IKZF3: variants seen among roughly 807,000 people sequenced by gnomAD.
IKZF3 encodes the protein zinc finger protein Aiolos.
Under a neutral mutation model 49.0 loss-of-function variants are expected in IKZF3, and 10 were observed. The ratio of observed to expected loss-of-function variants is 0.20; its 90% CI spans 0.13 to 0.35. The LOEUF (loss-of-function observed/expected upper bound fraction) is 0.35, where lower values mean the gene tolerates loss of function less well. Ranked by LOEUF, IKZF3 falls within the 10% of genes least tolerant of loss-of-function variation. The pLI, the probability that IKZF3 is intolerant of heterozygous loss-of-function variation, is 1.00. For missense variants in IKZF3, 498 were observed against 664.8 expected (o/e 0.75, Z 2.76); for synonymous variants, 209 against 228.2 (o/e 0.92, Z 0.76).
chr17:39,810,111 A>G (rs1453642235), intron 3 of IKZF3, among the ~76,000 whole-genome samples: 1 of 152,194 alleles, frequency 6.6e-6, no homozygotes, highest in Non-Finnish European at 1.5e-5. Context: ...AAACCCTGAG[A>G]TCTCAGGTTG....
chr17:39,825,418 G>A (rs1032736877), intron 3 of IKZF3, among the ~76,000 whole-genome samples: 3 of 152,168 alleles, frequency 2.0e-5, no homozygotes, highest in African/African-American at 7.2e-5. Flanking sequence ...AGAGGAATGA[G>A]GAAAAACCTT....
At chr17:39,847,291 C>T (rs1308657197) in intron 1 of IKZF3, among the ~76,000 whole-genome samples, 2 of 152,054 alleles carry the variant, frequency 1.3e-5, no homozygotes, top group East Asian at 1.9e-4. Flanking sequence ...TCCCTATAAC[C>T]GATGAAATTA....
At chr17:39,858,888 A>G (rs1360692992) in intron 1 of IKZF3, among the ~76,000 whole-genome samples, 1 of 150,528 alleles carries the variant, frequency 6.6e-6, no homozygotes, top group African/African-American at 2.4e-5. Context: ...GAAGCCTCAA[A>G]CTCCCAGGTC....
intron 3 of IKZF3, among the ~76,000 whole-genome samples, chr17:39,819,913 C>T (rs776737357): frequency 7.9e-5 from 12 of 152,108 alleles, no homozygotes; most frequent in Non-Finnish European, 1.5e-4. Context: ...CAGAAAAATC[C>T]GCCCACCTTG....
Position 39,758,730 on chromosome 17 carries a change from TA to T in IKZF3, c.*7059del, listed in dbSNP as rs1184985883. ...CCATGAAGTGTCTATAGCACGTGGT[TA>T]GCTCACGCTGGTTCCAAGGGTCAGC... On this transcript the variant is annotated 3_prime_UTR_variant, in exon 8 of 8. Transcript: ENST00000346872. 1.3e-5 allele frequency: 2 copies of T among 151,570 alleles called. No individual in the cohort carries two copies. Among genetic ancestry groups the T allele is most frequent in the African/African-American group, 4.9e-5 (2 of 41,136 alleles). The allele number at this position is 151,570 out of a possible 1,614,324, so 9.4% of individuals were successfully genotyped here.
intron 3 of IKZF3, among the ~76,000 whole-genome samples, chr17:39,813,289 C>T (rs750333568): frequency 2.7e-5 from 4 of 148,048 alleles, no homozygotes; most frequent in African/African-American, 5.1e-5. Context: ...TGCTGTGCTA[C>T]GCAGCTTAGT....
chr17:39,848,093 A>G (rs1294142404), intron 1 of IKZF3, among the ~76,000 whole-genome samples: 1 of 152,206 alleles, frequency 6.6e-6, no homozygotes, highest in Non-Finnish European at 1.5e-5. Context: ...TTCCTTCCCT[A>G]TTTCCTTGGG....
chr17:39,852,107 A>T (rs2062894068), intron 1 of IKZF3, among the ~76,000 whole-genome samples: 1 of 152,200 alleles, frequency 6.6e-6, no homozygotes, highest in Admixed American at 6.6e-5. Flanking sequence ...TGGGATTTCA[A>T]AATGTTTCAA....
chr17:39,773,578 G>A (rs944973178), intron 7 of IKZF3, among the ~76,000 whole-genome samples: 12 of 151,966 alleles, frequency 7.9e-5, no homozygotes, highest in African/African-American at 2.4e-4. Context: ...TGTTCTTTTC[G>A]TTATGAAAAC....
chr17:39,786,438 C>A (rs532385596), intron 6 of IKZF3, among the ~76,000 whole-genome samples: 1 of 152,098 alleles, frequency 6.6e-6, no homozygotes, highest in Non-Finnish European at 1.5e-5. Flanking sequence ...ACAGTGAGAG[C>A]TTTGCCTATT....
At chr17:39,812,611 TC>T (rs1465898045) in intron 3 of IKZF3, among the ~76,000 whole-genome samples, 1 of 152,168 alleles carries the variant, frequency 6.6e-6, no homozygotes, top group African/African-American at 2.4e-5. Context: ...CAGGGTACCT[TC>T]CTCTAGCTAT....
At position 39,853,272 on chromosome 17, in the gene IKZF3, CAATA is replaced by C. The variant is rs540024074; in HGVS notation, c.7+10844_7+10847del. ...GCATATGTGACACAAAAAAGGTATT[CAATA>C]AATAGTTTTAGAACGAAGAATGAAG... On this transcript the variant is annotated intron_variant, in intron 1 of 7. Coordinates refer to ENST00000346872, the MANE Select transcript of IKZF3 (RefSeq NM_012481.5). Among the ~76,000 whole-genome samples, 728 of 152,154 alleles carry C rather than the reference CAATA, an allele frequency of 4.8e-3. 3 individuals are homozygous for C. Among genetic ancestry groups the C allele is most frequent in the Non-Finnish European group, 8.0e-3 (543 of 67,994 alleles).
Position 39,821,376 on chromosome 17 carries a change from T to G in IKZF3, c.163+8011A>C, listed in dbSNP as rs575869824. On this transcript the variant is annotated intron_variant, in intron 3 of 7. Coordinates refer to ENST00000346872, the MANE Select transcript of IKZF3 (RefSeq NM_012481.5). ...CCCAGGCTCACAGAAACATATGGTT[T>G]GGAAGGATAAAATAAAAGGGTAGGG... 3.3e-5 allele frequency among the ~76,000 whole-genome samples: 5 copies of G among 152,178 alleles called. No homozygotes were observed. The East Asian group carries it at 9.7e-4, about 29-fold the overall frequency.
At chr17:39,791,240 C>G (rs573967994) in intron 5 of IKZF3, among the ~76,000 whole-genome samples, 176 bp downstream of exon 5, 1 of 152,184 alleles carries the variant, frequency 6.6e-6, no homozygotes, top group South Asian at 2.1e-4. Context: ...CTGAGGCAGA[C>G]GGAGAGCAAT....
chr17:39,851,137 G>C (rs1568066164), intron 1 of IKZF3, among the ~76,000 whole-genome samples: 1 of 150,920 alleles, frequency 6.6e-6, no homozygotes, highest in East Asian at 1.9e-4. Flanking sequence ...ATGGCTCATT[G>C]CAGACTTGAC....
At chr17:39,822,651 T>G (rs990182608) in intron 3 of IKZF3, among the ~76,000 whole-genome samples, 4 of 151,204 alleles carry the variant, frequency 2.6e-5, no homozygotes, top group African/African-American at 9.7e-5. Context: ...GGCGCGATCT[T>G]GGCTCACTGC....
At chr17:39,848,067 T>A (rs1487121713) in intron 1 of IKZF3, among the ~76,000 whole-genome samples, 4 of 152,144 alleles carry the variant, frequency 2.6e-5, no homozygotes, top group African/African-American at 9.7e-5. Context: ...GAGTAATCCC[T>A]CCAATCATGA....
chr17:39,831,534 G>A (rs2062108504), intron 2 of IKZF3, among the ~76,000 whole-genome samples: 3 of 152,248 alleles, frequency 2.0e-5, no homozygotes, highest in South Asian at 4.1e-4. Context: ...ATAAATTATT[G>A]TAAATGTTTA....
At chr17:39,826,555 T>C (rs1251512468) in intron 3 of IKZF3, among the ~76,000 whole-genome samples, 1 of 152,078 alleles carries the variant, frequency 6.6e-6, no homozygotes, top group African/African-American at 2.4e-5. Context: ...AAGGCAAGAG[T>C]GCAATGGAAA....
Sources: allele counts gnomAD v4.1 joint callset (sites outside exome capture counted in the v4.1 genomes callset), GRCh38; gene constraint gnomAD v4.1.1; transcripts MANE v1.5; gene names NCBI Gene and HGNC (gene_info 2026-07-23, HGNC 2026-07-21).